JAM3: variants seen among roughly 807,000 people sequenced by gnomAD.
The protein encoded by JAM3 is junctional adhesion molecule 3, also known as junctional adhesion molecule C.
Under a neutral mutation model 39.4 loss-of-function variants are expected in JAM3, and 31 were observed. The observed-to-expected ratio is 0.79, with a 90% CI of 0.59 to 1.06. The LOEUF is 1.06. Among genes scored for constraint, JAM3 ranks in the 50% least tolerant of loss-of-function variants. The pLI, the probability that JAM3 is intolerant of heterozygous loss-of-function variation, is 0.00. For missense variants in JAM3, 455 were observed against 391.4 expected, an observed-to-expected ratio of 1.16 and a Z score of -1.37; for synonymous variants, 182 against 148.7, an observed-to-expected ratio of 1.22 and a Z score of -1.63.
At chr11:134,142,317 G>C (rs1255935895) in intron 3 of JAM3, among the ~76,000 whole-genome samples, 1 of 152,160 alleles carries the variant, frequency 6.6e-6, no homozygotes, top group African/African-American at 2.4e-5. Flanking sequence ...CCCTGGTGGG[G>C]TTTATTTACT....
intron 1 of JAM3, among the ~76,000 whole-genome samples, chr11:134,133,099 T>G (rs1942798541): frequency 6.6e-6 from 1 of 152,222 alleles, no homozygotes; most frequent in Admixed American, 6.5e-5. Flanking sequence ...CCAAGCTGTT[T>G]GCATGCTAGA....
At chr11:134,097,114 A>G (rs1164838907) in intron 1 of JAM3, among the ~76,000 whole-genome samples, 7 of 151,968 alleles carry the variant, frequency 4.6e-5, no homozygotes, top group African/African-American at 1.4e-4. Flanking sequence ...TCCCCTCCAC[A>G]CCCCATCCCC....
chr11:134,073,887 A>T (rs774697047), intron 1 of JAM3, among the ~76,000 whole-genome samples: 27 of 152,276 alleles, frequency 1.8e-4, no homozygotes, highest in East Asian at 5.8e-4. Context: ...AGGCATTTTT[A>T]AAAAAATGTC....
At position 134,148,784 on chromosome 11, in the gene JAM3, C is replaced by G; in HGVS notation, c.863C>G (p.Pro288Arg). Reference protein sequence around the residue: ...DGESYKNPGKPDGVNYIRTDE... With the variant: ...DGESYKNPGKRDGVNYIRTDE... The stretch of plus-strand genomic sequence containing the variant: ...CATAGTTACAAGAACCCAGGGAAAC[C>G]AGATGGAGTTAACTACATCCGCACT... The change falls in exon 8 of 9, where the codon CCA (proline) becomes CGA (arginine). Residue 288 changes from proline to arginine, a missense_variant. Physicochemically the swap from Pro to Arg is moderately radical, Grantham distance 103. Transcript: ENST00000299106. 6.2e-7 allele frequency: 1 copy of G among 1,614,158 alleles called. No individual in the cohort carries two copies. Among genetic ancestry groups the G allele is most frequent in the Non-Finnish European group, 8.5e-7 (1 of 1,180,018 alleles).
At chr11:134,110,347 T>C (rs868746605) in intron 1 of JAM3, among the ~76,000 whole-genome samples, 9 of 152,202 alleles carry the variant, frequency 5.9e-5, no homozygotes, top group African/African-American at 2.2e-4. Context: ...TATACAAAGA[T>C]TTGTACACAA....
intron 1 of JAM3, among the ~76,000 whole-genome samples, chr11:134,119,792 A>G (rs1942500442): frequency 6.6e-6 from 1 of 152,190 alleles, no homozygotes; most frequent in East Asian, 1.9e-4. Context: ...AAGTTGACAC[A>G]TAAAATTAAC....
chr11:134,114,068 A>T (rs1165787270), intron 1 of JAM3, among the ~76,000 whole-genome samples: 1 of 151,946 alleles, frequency 6.6e-6, no homozygotes, highest in African/African-American at 2.4e-5. Context: ...AATTTGTTTG[A>T]GTTCATTGTA....
chr11:134,078,413 C>G (rs993093840), intron 1 of JAM3, among the ~76,000 whole-genome samples: 7 of 152,214 alleles, frequency 4.6e-5, no homozygotes, highest in Non-Finnish European at 1.0e-4. Context: ...AGCCACCGCA[C>G]CTGGCCCACT....
chr11:134,149,408 A>T lies in JAM3; in HGVS notation c.*227A>T. On this transcript the variant is annotated 3_prime_UTR_variant, in exon 9 of 9. Transcript: ENST00000299106. ...GTAAATATAACCACAAGGAAGCGAAACTGGGTGCGTTCACTGAGTTGGGTT... is the reference window on the plus strand; with the variant it reads ...GTAAATATAACCACAAGGAAGCGAATCTGGGTGCGTTCACTGAGTTGGGTT... The T allele has an allele frequency of 1.6e-6, 1 of 617,824 alleles. No individual in the cohort carries two copies. The highest frequency in any genetic ancestry group is 2.8e-5 in the East Asian group (1 of 35,962). 38.3% of individuals were successfully genotyped at this position (617,824 alleles called of 1,614,324 possible). A position where few individuals can be genotyped will look rare whatever the true frequency, so the allele number is the denominator to read the frequency against.
intron 8 of JAM3, 77 bp from the exon 9 acceptor site, chr11:134,149,069 A>C (rs1943139411): frequency 6.5e-7 from 1 of 1,531,188 alleles, no homozygotes; most frequent in Non-Finnish European, 9.1e-7. Flanking sequence ...TATTTAGCCC[A>C]TGTTAGACTT....
intron 1 of JAM3, among the ~76,000 whole-genome samples, chr11:134,108,450 C>T (rs1337734035): frequency 6.6e-6 from 1 of 152,084 alleles, no homozygotes; most frequent in African/African-American, 2.4e-5. Flanking sequence ...CCAGAATTAC[C>T]CTGATATCAA....
At chr11:134,130,341 C>T (rs1942745289) in intron 1 of JAM3, among the ~76,000 whole-genome samples, 1 of 152,156 alleles carries the variant, frequency 6.6e-6, no homozygotes, top group Non-Finnish European at 1.5e-5. Context: ...TTGAAACTAT[C>T]TGTGTCTTTT....
Position 134,136,851 on chromosome 11 carries a change from C to T in JAM3, c.77-3000C>T, listed in dbSNP as rs931746809. ...TAAAAAGGCCGGGCGCAGTGGCTCA[C>T]GCCTGTAATCCCAGCACTTTGGGAG... On this transcript the variant is annotated intron_variant, in intron 1 of 8. Transcript: ENST00000299106. 5.9e-5 allele frequency among the ~76,000 whole-genome samples: 9 copies of T among 152,188 alleles called. No individual in the cohort carries two copies. The South Asian group carries it at 1.0e-3, about 17-fold the overall frequency.
intron 1 of JAM3, among the ~76,000 whole-genome samples, chr11:134,115,264 A>G (rs1942403748): frequency 6.6e-6 from 1 of 152,196 alleles, no homozygotes; most frequent in South Asian, 2.1e-4. Flanking sequence ...GAAGCTTTGT[A>G]TCTTTATATT....
At chr11:134,078,722 TG>T (rs1941614708) in intron 1 of JAM3, among the ~76,000 whole-genome samples, 2 of 152,196 alleles carry the variant, frequency 1.3e-5, no homozygotes, top group South Asian at 4.1e-4. Context: ...ATTAGGGTAA[TG>T]TTTTTGTTTT....
At chr11:134,127,241 G>C (rs1683517335) in intron 1 of JAM3, among the ~76,000 whole-genome samples, 1 of 152,196 alleles carries the variant, frequency 6.6e-6, no homozygotes. Context: ...ATCATCGGTT[G>C]TAAATTGGAA....
rs551303530 is a variant in JAM3, at chr11:134,076,151, CTT to C, written c.76+7011_76+7012del. ...TTACTCCTTTTCTTTTCTTTTCTTT[CTT>C]TTTTTTTTTTTTTTTTTTGAGATGG... On this transcript the variant is annotated intron_variant, in intron 1 of 8. Transcript: ENST00000299106. Among the ~76,000 whole-genome samples, 827 of 120,294 alleles carry C rather than the reference CTT, an allele frequency of 6.9e-3. 4 individuals carry two copies. The highest frequency in any genetic ancestry group is 0.024 in the African/African-American group (746 of 30,490). The allele number at this position is 120,294 out of a possible 152,430, so 78.9% of individuals were successfully genotyped here.
In JAM3 at chr11:134,145,892, C is replaced by G. The variant is rs1046656742; in HGVS notation, c.613-54C>G. 3 of 1,241,602 alleles carry G rather than the reference C, an allele frequency of 2.4e-6. No homozygotes were observed. The East Asian group carries it at 6.9e-5, about 29-fold the overall frequency. The allele number at this position is 1,241,602 out of a possible 1,614,324, so 76.9% of individuals were successfully genotyped here. A position where few individuals can be genotyped will look rare whatever the true frequency, so the allele number is the denominator to read the frequency against. On this transcript the variant is annotated intron_variant, in intron 5 of 8. Transcript: ENST00000299106. Reference sequence around the variant, plus strand: ...TTCTGGACCCAGCTGGCTGTGCTCTCAGAAATCGGCCCCATGATGGGTCCG... The same window carrying G: ...TTCTGGACCCAGCTGGCTGTGCTCTGAGAAATCGGCCCCATGATGGGTCCG...
rs558766338 is a variant in JAM3, at chr11:134,125,992, C to T, written c.77-13859C>T. ...TGTCAAAATCATGCTCTTTGTGAAA[C>T]TAAAGGTCTCACTTTCCTCTGTCCT... On this transcript the variant is annotated intron_variant, in intron 1 of 8. Transcript: ENST00000299106. Among the ~76,000 whole-genome samples the T allele has an allele frequency of 2.0e-4, 30 of 152,244 alleles. 1 individual carries two copies. In the South Asian group the frequency reaches 5.4e-3, roughly 27 times the overall value.
Sources: gnomAD v4.1 joint callset for allele counts (sites outside exome capture counted in the v4.1 genomes callset) on GRCh38, gnomAD v4.1.1 for gene constraint, MANE v1.5 for transcripts, NCBI Gene and HGNC (gene_info 2026-07-23, HGNC 2026-07-21) for gene names.